Variants in LTBP1 observed in about 807,000 individuals in gnomAD.
LTBP1 encodes latent-transforming growth factor beta-binding protein 1.
A neutral mutation model predicts 207.6 loss-of-function variants in LTBP1; 129 were observed. That is an observed-to-expected ratio of 0.62 (90% CI 0.54 to 0.72). The LOEUF (loss-of-function observed/expected upper bound fraction) is 0.72, where lower values mean the gene tolerates loss of function less well. Ranked by LOEUF, LTBP1 falls within the 30% of genes least tolerant of loss-of-function variation. LTBP1 has a pLI of 0.00. For synonymous variants in LTBP1, 963 were observed against 833.7 expected (o/e 1.16, Z -2.67); for missense variants, 2,281 against 2,217.2 (o/e 1.03, Z -0.58).
At chr2:33,199,985 C>T (rs984790440) in intron 7 of LTBP1, among the ~76,000 whole-genome samples, 1 of 152,022 alleles carries the variant, frequency 6.6e-6, no homozygotes, top group Non-Finnish European at 1.5e-5. Context: ...AGGATACAAA[C>T]AAATGGAAGA....
At chr2:33,202,639 T>A (rs1198090434) in intron 7 of LTBP1, among the ~76,000 whole-genome samples, 1 of 152,226 alleles carries the variant, frequency 6.6e-6, no homozygotes, top group African/African-American at 2.4e-5. Flanking sequence ...GTAAATAGAT[T>A]AGAAGTCTAA....
chr2:33,134,701 T>C lies in LTBP1; in HGVS notation c.1034-92T>C. On this transcript the variant is annotated intron_variant, in intron 4 of 33. Coordinates refer to ENST00000404816, the MANE Select transcript of LTBP1 (RefSeq NM_206943.4). The surrounding 1 kb of genome is among the most constrained non-coding windows in gnomAD (Gnocchi z 4.4). Reference sequence around the variant, plus strand: ...TTTCCCCTCTTGCTCCTTTCTTTTCTTTTTTTCTGTTTTTTTAAACCTTCC... The same window carrying C: ...TTTCCCCTCTTGCTCCTTTCTTTTCCTTTTTTCTGTTTTTTTAAACCTTCC... The C allele has an allele frequency of 1.2e-6, 2 of 1,606,714 alleles. No homozygotes were observed. Among genetic ancestry groups the C allele is most frequent in the East Asian group, 2.2e-5 (1 of 44,840 alleles).
At chr2:33,341,007 G>A (rs1172875545) in intron 24 of LTBP1, among the ~76,000 whole-genome samples, 1 of 152,096 alleles carries the variant, frequency 6.6e-6, no homozygotes, top group African/African-American at 2.4e-5. Flanking sequence ...AGCATTTGTT[G>A]TCTGATTTCA....
At chr2:33,052,195 G>A (rs541814271) in intron 3 of LTBP1, among the ~76,000 whole-genome samples, 6 of 152,332 alleles carry the variant, frequency 3.9e-5, no homozygotes, top group South Asian at 4.1e-4. Flanking sequence ...TCATTCGACC[G>A]TTGCTATGGG....
chr2:33,162,678 A>T (rs1465194999), intron 5 of LTBP1, among the ~76,000 whole-genome samples: 1 of 152,204 alleles, frequency 6.6e-6, no homozygotes, highest in East Asian at 1.9e-4. Flanking sequence ...TCATATGTAT[A>T]CCCTTTCTTA....
At chr2:33,059,151 A>G (rs1301086192) in intron 3 of LTBP1, among the ~76,000 whole-genome samples, 1 of 152,232 alleles carries the variant, frequency 6.6e-6, no homozygotes, top group Non-Finnish European at 1.5e-5. Flanking sequence ...GCCTGTGCCC[A>G]TAAAAAGCTA....
chr2:33,004,309 T>G (rs1305059576), intron 2 of LTBP1, among the ~76,000 whole-genome samples: 2 of 152,114 alleles, frequency 1.3e-5, no homozygotes, highest in Admixed American at 6.5e-5. Context: ...TGACTTAAGC[T>G]TTGGCCACAC....
chr2:33,344,948 C>G (rs2094682314), intron 25 of LTBP1, among the ~76,000 whole-genome samples: 1 of 152,186 alleles, frequency 6.6e-6, no homozygotes. Context: ...GATGAGCACA[C>G]CAAACCCATG....
chr2:33,117,937 T>C (rs573870667), intron 4 of LTBP1, among the ~76,000 whole-genome samples: 12 of 152,150 alleles, frequency 7.9e-5, no homozygotes, highest in South Asian at 2.1e-4. Flanking sequence ...TTAATGTCGA[T>C]GTTGAAGTTT....
chr2:33,384,362 A>G (rs1436521561), intron 31 of LTBP1, among the ~76,000 whole-genome samples: 2 of 152,190 alleles, frequency 1.3e-5, no homozygotes, highest in Non-Finnish European at 2.9e-5. Flanking sequence ...ATCAAGAGCT[A>G]AGCATTTGCG....
At chr2:32,973,216 T>A (rs1452859738) in intron 2 of LTBP1, among the ~76,000 whole-genome samples, 1 of 152,170 alleles carries the variant, frequency 6.6e-6, no homozygotes, top group Non-Finnish European at 1.5e-5. Flanking sequence ...GCCCTGATGA[T>A]CTGTCTAATA....
chr2:33,260,838 C>G (rs980751173), intron 13 of LTBP1, among the ~76,000 whole-genome samples: 3 of 152,142 alleles, frequency 2.0e-5, no homozygotes, highest in African/African-American at 7.2e-5. Context: ...AGCCTCATCA[C>G]GACTCAGTTC....
rs1212022956 is a variant in LTBP1, at chr2:33,274,856, A to G, written c.2744-109A>G. The G allele has an allele frequency of 4.8e-6, 5 of 1,036,974 alleles. No homozygotes were observed. The Admixed American group carries it at 7.7e-5, about 16-fold the overall frequency. The allele number at this position is 1,036,974 out of a possible 1,614,324, so 64.2% of individuals were successfully genotyped here. ...TCTCCTTTTGCTGTTGTCCTCAGTTATAAAGGTTGGGTGGTACCCAGGGAA... is the reference window on the plus strand; with the variant it reads ...TCTCCTTTTGCTGTTGTCCTCAGTTGTAAAGGTTGGGTGGTACCCAGGGAA... On this transcript the variant is annotated intron_variant, in intron 16 of 33. Coordinates refer to ENST00000404816, the MANE Select transcript of LTBP1 (RefSeq NM_206943.4).
intron 2 of LTBP1, among the ~76,000 whole-genome samples, chr2:33,002,765 G>T (rs1376084671): frequency 3.3e-5 from 5 of 151,932 alleles, no homozygotes; most frequent in Non-Finnish European, 7.4e-5. Context: ...GCAACCTCTG[G>T]CTCCCTGGTT....
intron 9 of LTBP1, among the ~76,000 whole-genome samples, chr2:33,229,515 GGAGA>G (rs542410996): frequency 1.3e-5 from 2 of 152,018 alleles, no homozygotes; most frequent in Non-Finnish European, 2.9e-5. Flanking sequence ...AGAGACGGAG[GGAGA>G]GAAAGTTGTA....
intron 7 of LTBP1, among the ~76,000 whole-genome samples, chr2:33,194,305 A>G (rs560468905): frequency 6.6e-6 from 1 of 152,274 alleles, no homozygotes; most frequent in Admixed American, 6.5e-5. Flanking sequence ...CTTTAAATCA[A>G]AAGCTAAAAA....
At chr2:33,263,145 A>T (rs1043277883) in intron 14 of LTBP1, 149 bp from the exon 15 acceptor site, 11 of 601,928 alleles carry the variant, frequency 1.8e-5, no homozygotes, top group Admixed American at 1.4e-4. Flanking sequence ...TAAATGTTGA[A>T]CCCAGAGCCT....
intron 11 of LTBP1, among the ~76,000 whole-genome samples, chr2:33,255,638 C>A (rs919662577): frequency 6.6e-6 from 1 of 152,140 alleles, no homozygotes. Context: ...TTTTTAAAGT[C>A]ATGTTTTCTT....
intron 26 of LTBP1, among the ~76,000 whole-genome samples, chr2:33,354,900 A>G (rs1217404429): frequency 6.6e-6 from 1 of 151,976 alleles, no homozygotes; most frequent in Non-Finnish European, 1.5e-5. Context: ...GCCACCATGC[A>G]CAGCTCGTTT....
Sources: allele counts gnomAD v4.1 joint callset (sites outside exome capture counted in the v4.1 genomes callset), GRCh38; gene constraint gnomAD v4.1.1; non-coding constraint Gnocchi (gnomAD v3.1); transcripts MANE v1.5; gene names NCBI Gene and HGNC (gene_info 2026-07-23, HGNC 2026-07-21).